The following IL7R variants were observed in gnomAD, a reference collection of about 807,000 sequenced individuals.
IL7R encodes the protein interleukin-7 receptor subunit alpha.
Under a neutral mutation model 47.0 loss-of-function variants are expected in IL7R, and 38 were observed. The ratio of observed to expected loss-of-function variants is 0.81; its 90% CI spans 0.62 to 1.06. The LOEUF (loss-of-function observed/expected upper bound fraction) is 1.06, where lower values mean the gene tolerates loss of function less well. Ranked by LOEUF, IL7R falls within the 50% of genes least tolerant of loss-of-function variation. The pLI is 0.00. For missense variants in IL7R, 633 were observed against 534.8 expected (o/e 1.18, Z -1.81); for synonymous variants, 221 against 199.8 (o/e 1.11, Z -0.89).
chr5:35,861,218 T>C (rs1333260647), intron 2 of IL7R, among the ~76,000 whole-genome samples: 1 of 152,140 alleles, frequency 6.6e-6, no homozygotes, highest in Non-Finnish European at 1.5e-5. Flanking sequence ...AATGATGCTC[T>C]GGATCTTGGG....
chr5:35,876,541 G>T lies in IL7R; in HGVS notation c.*55G>T. The T allele has an allele frequency of 6.3e-7, 1 of 1,582,062 alleles. No individual in the cohort carries two copies. The highest frequency in any genetic ancestry group is 8.6e-7 in the Non-Finnish European group (1 of 1,165,298). Reference sequence around the variant, plus strand: ...TGAGCGACAAAGATGATTTAAAAGGGAAGTCTAGAGTTCCTAGTCTCCCTC... The same window carrying T: ...TGAGCGACAAAGATGATTTAAAAGGTAAGTCTAGAGTTCCTAGTCTCCCTC... On this transcript the variant is annotated 3_prime_UTR_variant, in exon 8 of 8. Transcript: ENST00000303115.
At chr5:35,867,938 G>A (rs1234972367) in intron 3 of IL7R, among the ~76,000 whole-genome samples, 1 of 152,068 alleles carries the variant, frequency 6.6e-6, no homozygotes, top group Non-Finnish European at 1.5e-5. Flanking sequence ...ATCAATAGGA[G>A]GATAGATAGA....
At chr5:35,873,315 T>C (rs945027026) in intron 4 of IL7R, 165 bp from the exon 5 acceptor site, 1 of 676,726 alleles carries the variant, frequency 1.5e-6, no homozygotes, top group African/African-American at 1.8e-5. Flanking sequence ...TGTCCCTAAT[T>C]TTGCTGTTGA....
rs1009900405 is a variant in IL7R at position 35,877,123 on chromosome 5, A to G, written c.*637A>G. On this transcript the variant is annotated 3_prime_UTR_variant, in exon 8 of 8. Coordinates refer to ENST00000303115, the MANE Select transcript of IL7R (RefSeq NM_002185.5). ...TTCACTGAGGACTGCCCCATTCTTG[A>G]GTGCCAAACGTCACTAGTAACAGGG... 4.3e-6 allele frequency: 1 copy of G among 233,768 alleles called. No homozygotes were observed. Among genetic ancestry groups the G allele is most frequent in the Non-Finnish European group, 8.4e-6 (1 of 118,546 alleles). The allele number at this position is 233,768 out of a possible 1,614,324, so 14.5% of individuals were successfully genotyped here. A position where few individuals can be genotyped will look rare whatever the true frequency, so the allele number is the denominator to read the frequency against.
chr5:35,873,328 CCTT>C, intron 4 of IL7R, 149 bp from the exon 5 acceptor site: 1 of 718,606 alleles, frequency 1.4e-6, no homozygotes, highest in Non-Finnish European at 2.5e-6. Flanking sequence ...GCTGTTGACT[CCTT>C]TACGTATCAG....
At position 35,867,375 on chromosome 5, in the gene IL7R, G is replaced by T. The variant is rs2149899161; in HGVS notation, c.291G>T (p.Lys97Asn). 1.2e-6 allele frequency: 2 copies of T among 1,613,538 alleles called. No individual in the cohort carries two copies. The highest frequency in any genetic ancestry group is 1.7e-6 in the Non-Finnish European group (2 of 1,179,568). The change falls in exon 3 of 8, where the codon AAG (lysine) becomes AAT (asparagine). Residue 97 changes from lysine (K) to asparagine (N), a missense_variant. Coordinates refer to ENST00000303115, the MANE Select transcript of IL7R (RefSeq NM_002185.5). ...KLQEIYFIETKKFLLIGKSNI... is the reference protein window; with the variant it reads ...KLQEIYFIETNKFLLIGKSNI... ...AAGAGATATATTTCATCGAGACAAA[G>T]AAATTCTTACTGATTGGAAAGAGCA... is the stretch of plus-strand genomic sequence containing the variant.
In IL7R at chr5:35,867,817, C is replaced by T. The variant is rs192745283; in HGVS notation, c.379+354C>T. On this transcript the variant is annotated intron_variant, in intron 3 of 7. Coordinates refer to ENST00000303115, the MANE Select transcript of IL7R (RefSeq NM_002185.5). ...CTTCTCCCAAATTCCTTGTGGTCTTCTCCCCAAATCCCCACAACATTCTGA... is the reference window on the plus strand; with the variant it reads ...CTTCTCCCAAATTCCTTGTGGTCTTTTCCCCAAATCCCCACAACATTCTGA... Among the ~76,000 whole-genome samples, 139 of 152,202 alleles carry T rather than the reference C, an allele frequency of 9.1e-4. 1 individual carries two copies. Among genetic ancestry groups the T allele is most frequent in the Non-Finnish European group, 9.9e-4 (67 of 68,004 alleles).
intron 6 of IL7R, chr5:35,875,306 T>C (rs1485240013): frequency 2.1e-5 from 13 of 625,400 alleles, no homozygotes; most frequent in Non-Finnish European, 2.9e-6. Context: ...TTGATATCTG[T>C]GGTCTCTGGT....
In IL7R at chr5:35,867,342, G is replaced by A. The variant is rs1372776279; in HGVS notation, c.258G>A (p.Arg86=). 6.2e-7 allele frequency: 1 copy of A among 1,613,544 alleles called. No homozygotes were observed. The highest frequency in any genetic ancestry group is 8.5e-7 in the Non-Finnish European group (1 of 1,179,698). ...ALVEVKCLNF[R]KLQEIYFIET... The stretch of plus-strand genomic sequence containing the variant: ...TGGAGGTAAAGTGCCTGAATTTCAG[G>A]AAACTACAAGAGATATATTTCATCG... The change falls in exon 3 of 8, where the codon AGG becomes AGA. Residue 86 remains arginine, a synonymous_variant. Coordinates refer to ENST00000303115, the MANE Select transcript of IL7R (RefSeq NM_002185.5).
chr5:35,866,512 G>A (rs532270089), intron 2 of IL7R, among the ~76,000 whole-genome samples: 51 of 152,154 alleles, frequency 3.4e-4, no homozygotes, highest in African/African-American at 1.2e-3. Flanking sequence ...GAATTTACCA[G>A]AATATAACCA....
chr5:35,875,343 C>T (rs982181685), intron 6 of IL7R, 169 bp from the exon 7 acceptor site: 12 of 681,504 alleles, frequency 1.8e-5, no homozygotes, highest in Admixed American at 1.6e-4. Flanking sequence ...TTGATAGGGC[C>T]CCGAGGCCCA....
rs1760253655 is a variant in IL7R, at chr5:35,877,766, A to C, written c.*1280A>C. 4.3e-6 allele frequency: 1 copy of C among 233,202 alleles called. No homozygotes were observed. Among genetic ancestry groups the C allele is most frequent in the Admixed American group, 5.6e-5 (1 of 17,784 alleles). The allele number at this position is 233,202 out of a possible 1,614,324, so 14.4% of individuals were successfully genotyped here. A position where few individuals can be genotyped will look rare whatever the true frequency, so the allele number is the denominator to read the frequency against. Reference sequence around the variant, plus strand: ...AAGAGACGTATTATTAATGCTTGACATATATCATCTTGCCTTTCTTGGTCT... The same window carrying C: ...AAGAGACGTATTATTAATGCTTGACCTATATCATCTTGCCTTTCTTGGTCT... On this transcript the variant is annotated 3_prime_UTR_variant, in exon 8 of 8. Coordinates refer to ENST00000303115, the MANE Select transcript of IL7R (RefSeq NM_002185.5).
At chr5:35,874,676 C>T in intron 6 of IL7R, 134 bp downstream of exon 6, 1 of 743,498 alleles carries the variant, frequency 1.3e-6, no homozygotes, top group South Asian at 1.5e-5. Context: ...GTATCCCTAT[C>T]TATCCTCAGC....
At chr5:35,871,619 G>T (rs1206624672) in intron 4 of IL7R, among the ~76,000 whole-genome samples, 1 of 152,198 alleles carries the variant, frequency 6.6e-6, no homozygotes, top group Non-Finnish European at 1.5e-5. Flanking sequence ...CATGGGACCA[G>T]CATGAGGTAA....
At position 35,860,965 on chromosome 5, in the gene IL7R, A is replaced by G; in HGVS notation, c.196A>G (p.Ile66Val). The change falls in exon 2 of 8, where the codon ATC becomes GTC. Residue 66 changes from isoleucine to valine, a missense_variant. Coordinates refer to ENST00000303115, the MANE Select transcript of IL7R (RefSeq NM_002185.5). ...TGCTTTTGAGGACCCAGATGTCAACATCACCAATCTGGAATTTGAAATATG... is the reference window on the plus strand; with the variant it reads ...TGCTTTTGAGGACCCAGATGTCAACGTCACCAATCTGGAATTTGAAATATG... ...TCAFEDPDVN[I>V]TNLEFEICGA... 1.2e-6 allele frequency: 2 copies of G among 1,613,574 alleles called. No individual in the cohort carries two copies. Among genetic ancestry groups the G allele is most frequent in the Non-Finnish European group, 8.5e-7 (1 of 1,179,520 alleles).
intron 1 of IL7R, among the ~76,000 whole-genome samples, chr5:35,859,093 G>T (rs1356152566): frequency 3.9e-5 from 6 of 152,156 alleles, no homozygotes; most frequent in African/African-American, 1.4e-4. Flanking sequence ...CTACTGAAAA[G>T]CCAGTGAGCT....
chr5:35,877,599 T>C lies in IL7R; in HGVS notation c.*1113T>C, dbSNP rs1054606639. 2 of 233,062 alleles carry C rather than the reference T, an allele frequency of 8.6e-6. No homozygotes were observed. Among genetic ancestry groups the C allele is most frequent in the African/African-American group, 2.2e-5 (1 of 45,314 alleles). The allele number at this position is 233,062 out of a possible 1,614,324, so 14.4% of individuals were successfully genotyped here. A position where few individuals can be genotyped will look rare whatever the true frequency, so the allele number is the denominator to read the frequency against. ...GGAGGCATGACCCCTCCCATGTGTA[T>C]AGACACTACCCCAACCTAAATTCAT... On this transcript the variant is annotated 3_prime_UTR_variant, in exon 8 of 8. Coordinates refer to ENST00000303115, the MANE Select transcript of IL7R (RefSeq NM_002185.5).
rs1561427502 is a variant in IL7R, at chr5:35,878,858, C to T, written c.*2372C>T. On this transcript the variant is annotated 3_prime_UTR_variant, in exon 8 of 8. Transcript: ENST00000303115. ...TGAAGAGATGACCATAGAAAAACAT[C>T]GAGATATCTCCAGCTCTAAAATCCT... is the stretch of plus-strand genomic sequence containing the variant. 3.4e-5 allele frequency: 8 copies of T among 232,846 alleles called. No homozygotes were observed. Among genetic ancestry groups the T allele is most frequent in the Non-Finnish European group, 6.8e-5 (8 of 117,898 alleles). 14.4% of individuals were successfully genotyped at this position (232,846 alleles called of 1,614,324 possible).
At chr5:35,858,634 G>A (rs1561417634) in intron 1 of IL7R, among the ~76,000 whole-genome samples, 1 of 152,074 alleles carries the variant, frequency 6.6e-6, no homozygotes, top group Non-Finnish European at 1.5e-5. Flanking sequence ...TTATAACACC[G>A]TCAATTGACA....
Sources: gnomAD v4.1 joint callset for allele counts (sites outside exome capture counted in the v4.1 genomes callset) on GRCh38, gnomAD v4.1.1 for gene constraint, MANE v1.5 for transcripts, NCBI Gene and HGNC (gene_info 2026-07-23, HGNC 2026-07-21) for gene names.